Variants in CASTOR2 observed in about 807,000 individuals in gnomAD.
CASTOR2 encodes the protein GATS protein like 2.
In CASTOR2, 8 loss-of-function variants were observed where a neutral mutation model predicts 31.2. The ratio of observed to expected loss-of-function variants is 0.26; its 90% CI spans 0.15 to 0.46. The LOEUF (loss-of-function observed/expected upper bound fraction) is 0.46. CASTOR2 is among the 20% of genes least tolerant of loss of function. The pLI, the probability that CASTOR2 is intolerant of heterozygous loss-of-function variation, is 0.99. For synonymous variants in CASTOR2, 162 were observed against 158.7 expected, an observed-to-expected ratio of 1.02 and a Z score of -0.16; for missense variants, 216 against 382.1, an observed-to-expected ratio of 0.57 and a Z score of 3.62.
Position 75,009,262 on chromosome 7 carries a change from C to CTTTTTTT in CASTOR2, c.184+1217_184+1223dup, listed in dbSNP as rs1161937896. On this transcript the variant is annotated intron_variant, in intron 2 of 8. Transcript: ENST00000616305. ...TGAGCCACCTTGCCTGGCCTGAGAA[C>CTTTTTTT]TTTTTTTTTTTTTTTTTTTTTTTTT... Among the ~76,000 whole-genome samples, 88 of 60,302 alleles carry CTTTTTTT rather than the reference C, an allele frequency of 1.5e-3. 11 individuals carry two copies. The highest frequency in any genetic ancestry group is 2.1e-3 in the Admixed American group (7 of 3,362). 39.6% of individuals were successfully genotyped at this position (60,302 alleles called of 152,430 possible).
intron 2 of CASTOR2, among the ~76,000 whole-genome samples, chr7:75,012,191 T>A (rs1270756671): frequency 2.0e-5 from 3 of 152,120 alleles, no homozygotes; most frequent in Non-Finnish European, 4.4e-5. Flanking sequence ...GAGAAGACTC[T>A]CAGGGGGCTG....
chr7:74,968,327 CGTGGA>C (rs782537861), intron 1 of CASTOR2, among the ~76,000 whole-genome samples: 1 of 146,904 alleles, frequency 6.8e-6, no homozygotes, highest in Non-Finnish European at 1.5e-5. Flanking sequence ...ACTTCTCTCT[CGTGGA>C]GTGGAGTTGT....
intron 1 of CASTOR2, among the ~76,000 whole-genome samples, chr7:75,000,730 T>G (rs2131939475): frequency 6.6e-6 from 1 of 152,206 alleles, no homozygotes; most frequent in East Asian, 1.9e-4. Context: ...CAATCTCGAC[T>G]CAACTGCAGT....
chr7:74,985,921 C>T (rs1804052041), intron 1 of CASTOR2, among the ~76,000 whole-genome samples: 1 of 151,922 alleles, frequency 6.6e-6, no homozygotes, highest in African/African-American at 2.4e-5. Context: ...ACACGGATTC[C>T]ACCTTTATTT....
rs977739271 is a variant in CASTOR2 at position 75,028,156 on chromosome 7, C to A, written c.*3457C>A. On this transcript the variant is annotated 3_prime_UTR_variant, in exon 9 of 9. Transcript: ENST00000616305. Reference sequence around the variant, plus strand: ...TTTTTGAGACGGAGTCTTGCTCTGTCGCCCAGGCTGGAGTGCTGTGGCATG... The same window carrying A: ...TTTTTGAGACGGAGTCTTGCTCTGTAGCCCAGGCTGGAGTGCTGTGGCATG... 3.0e-6 allele frequency: 4 copies of A among 1,351,210 alleles called. No homozygotes were observed. Among genetic ancestry groups the A allele is most frequent in the Middle Eastern group, 2.7e-4 (1 of 3,726 alleles). 83.7% of individuals were successfully genotyped at this position (1,351,210 alleles called of 1,614,324 possible). A position where few individuals can be genotyped will look rare whatever the true frequency, so the allele number is the denominator to read the frequency against.
Position 75,029,446 on chromosome 7 carries a change from T to C in CASTOR2, c.*4747T>C, listed in dbSNP as rs1472629866. On this transcript the variant is annotated 3_prime_UTR_variant, in exon 9 of 9. Transcript: ENST00000616305. ...GCAACCTCTGCTTCCCAGGTTCAAG[T>C]GATTCTCCTGCCTCAGCCTCCCAAG... is the stretch of plus-strand genomic sequence containing the variant. Among the ~76,000 whole-genome samples the C allele has an allele frequency of 6.7e-6, 1 of 150,014 alleles. No individual in the cohort carries two copies. The highest frequency in any genetic ancestry group is 1.5e-5 in the Non-Finnish European group (1 of 67,688).
At chr7:75,014,216 G>A (rs1384915725) in intron 2 of CASTOR2, among the ~76,000 whole-genome samples, 1 of 151,906 alleles carries the variant, frequency 6.6e-6, no homozygotes, top group Non-Finnish European at 1.5e-5. Flanking sequence ...TGGGGACAGC[G>A]GTACATCATT....
chr7:75,010,744 G>A (rs1804723770), intron 2 of CASTOR2, among the ~76,000 whole-genome samples: 1 of 152,054 alleles, frequency 6.6e-6, no homozygotes, highest in African/African-American at 2.4e-5. Context: ...GTGACTTCAG[G>A]GTAAGGGCTT....
chr7:74,983,783 C>T (rs1329612640), intron 1 of CASTOR2, among the ~76,000 whole-genome samples: 1 of 149,842 alleles, frequency 6.7e-6, no homozygotes, highest in Non-Finnish European at 1.5e-5. Flanking sequence ...GGCAGGTCAC[C>T]CTACCTTTCT....
chr7:74,997,769 T>C (rs1459621311), intron 1 of CASTOR2, among the ~76,000 whole-genome samples: 2 of 151,656 alleles, frequency 1.3e-5, no homozygotes, highest in Non-Finnish European at 2.9e-5. Context: ...TACTTGTAAC[T>C]CTGTAAAAAG....
Position 75,016,866 on chromosome 7 carries a change from C to T in CASTOR2, c.185-732C>T, listed in dbSNP as rs1366493202. Among the ~76,000 whole-genome samples the T allele has an allele frequency of 2.0e-5, 3 of 152,204 alleles. No homozygotes were observed. In the East Asian group the frequency reaches 5.8e-4, roughly 29 times the overall value. On this transcript the variant is annotated intron_variant, in intron 2 of 8. Transcript: ENST00000616305. ...TCCTCCCAGGAAGCAGCCTTTGATT[C>T]AAATCCCATCCTGTTGAAGGCTGGG...
chr7:74,967,417 T>TG (rs1803589357), intron 1 of CASTOR2, among the ~76,000 whole-genome samples: 1 of 147,932 alleles, frequency 6.8e-6, no homozygotes, highest in African/African-American at 2.5e-5. Context: ...CCCCTTAGAT[T>TG]GTTCCTGCAA....
chr7:74,995,356 G>A (rs1387929524), intron 1 of CASTOR2, among the ~76,000 whole-genome samples: 17 of 151,762 alleles, frequency 1.1e-4, no homozygotes, highest in Non-Finnish European at 2.2e-4. Flanking sequence ...CAGAGAGAAG[G>A]GATCAGATGG....
rs929349784 is a variant in CASTOR2 at position 75,025,886 on chromosome 7, T to C, written c.*1187T>C. Among the ~76,000 whole-genome samples the C allele has an allele frequency of 6.6e-6, 1 of 152,198 alleles. No homozygotes were observed. Among genetic ancestry groups the C allele is most frequent in the Admixed American group, 6.5e-5 (1 of 15,284 alleles). ...TGGCTCCAGGGACAGGCAGTGGGAA[T>C]CGGGAGATGTCACAGGAGCCTGGGC... On this transcript the variant is annotated 3_prime_UTR_variant, in exon 9 of 9. Coordinates refer to ENST00000616305, the MANE Select transcript of CASTOR2 (RefSeq NM_001145064.3).
intron 1 of CASTOR2, among the ~76,000 whole-genome samples, chr7:74,993,853 G>T (rs1284772410): frequency 6.6e-6 from 1 of 151,552 alleles, no homozygotes; most frequent in Non-Finnish European, 1.5e-5. Context: ...ACTTTAGCTG[G>T]TTCATAAATC....
intron 1 of CASTOR2, among the ~76,000 whole-genome samples, chr7:74,984,897 C>T (rs1372066473): frequency 2.6e-5 from 4 of 152,104 alleles, no homozygotes; most frequent in Admixed American, 1.3e-4. Flanking sequence ...TTTGGGAGGC[C>T]GAGGCAGTCA....
At chr7:75,009,188 C>T (rs1804672608) in intron 2 of CASTOR2, among the ~76,000 whole-genome samples, 1 of 150,462 alleles carries the variant, frequency 6.6e-6, no homozygotes, top group Non-Finnish European at 1.5e-5. Context: ...GATCTCCTGA[C>T]CTCATGATCC....
At chr7:75,009,547 C>T (rs1204864467) in intron 2 of CASTOR2, among the ~76,000 whole-genome samples, 64,186 of 151,608 alleles carry the variant, frequency 0.42, 16,972 homozygotes, top group East Asian at 0.83. Context: ...GGATTACAGG[C>T]GTGAGCCACC....
chr7:74,984,153 G>A (rs1804010536), intron 1 of CASTOR2, among the ~76,000 whole-genome samples: 2 of 148,946 alleles, frequency 1.3e-5, no homozygotes, highest in African/African-American at 5.0e-5. Context: ...TAGAATACCA[G>A]GGTCAGACTC....
Sources: gnomAD v4.1 joint callset for allele counts (sites outside exome capture counted in the v4.1 genomes callset) on GRCh38, gnomAD v4.1.1 for gene constraint, MANE v1.5 for transcripts, NCBI Gene and HGNC (gene_info 2026-07-23, HGNC 2026-07-21) for gene names.